RUNDC1: variants seen among roughly 807,000 people sequenced by gnomAD.
The protein encoded by RUNDC1 is RUN domain containing 1, also known as RUN domain-containing protein 1.
A neutral mutation model predicts 49.3 loss-of-function variants in RUNDC1; 31 were observed. That is an observed-to-expected ratio of 0.63 (90% CI 0.47 to 0.85). RUNDC1 has a LOEUF of 0.85. Ranked by LOEUF, RUNDC1 falls within the 40% of genes least tolerant of loss-of-function variation. The pLI, the probability that RUNDC1 is intolerant of heterozygous loss-of-function variation, is 0.00. For synonymous variants in RUNDC1, 347 were observed against 348.6 expected (o/e 1.00, Z 0.05); for missense variants, 715 against 806.7 (o/e 0.89, Z 1.38).
intron 1 of RUNDC1, among the ~76,000 whole-genome samples, chr17:42,986,789 G>A (rs1019079903): frequency 6.6e-5 from 10 of 152,048 alleles, no homozygotes; most frequent in Non-Finnish European, 8.8e-5. Flanking sequence ...GTGAGCTACC[G>A]GGCCCGGCCA....
Position 42,990,425 on chromosome 17 carries a change from GA to G in RUNDC1, c.968del (p.Asn323ThrfsTer9). ...ACAGGCAGCAGCAGAACGCCTCCAGGAAACAGCAAAAGTAAGTGCAGTTTCC... is the reference window on the plus strand; with the variant it reads ...ACAGGCAGCAGCAGAACGCCTCCAGGAACAGCAAAAGTAAGTGCAGTTTCC... ...SRTGSSRTPP[G>X]NSKTKAEDVK... On this transcript the variant is annotated frameshift_variant, in exon 4 of 5. Coordinates refer to ENST00000361677, the MANE Select transcript of RUNDC1 (RefSeq NM_173079.5). LOFTEE classifies it high-confidence loss of function. 6.2e-7 allele frequency: 1 copy of G among 1,613,814 alleles called. No homozygotes were observed. The highest frequency in any genetic ancestry group is 8.5e-7 in the Non-Finnish European group (1 of 1,179,990).
intron 1 of RUNDC1, chr17:42,985,641 A>C (rs1370134877): frequency 3.6e-6 from 1 of 279,450 alleles, no homozygotes; most frequent in Non-Finnish European, 4.5e-6. Context: ...CTCATTACTT[A>C]CTTCTTCAGG....
In RUNDC1 at chr17:42,987,473, A is replaced by G. The variant is rs1222968367; in HGVS notation, c.657+59A>G. 2.0e-6 allele frequency: 3 copies of G among 1,508,082 alleles called. No homozygotes were observed. In the African/African-American group the frequency reaches 4.1e-5, roughly 21 times the overall value. The allele number at this position is 1,508,082 out of a possible 1,614,324, so 93.4% of individuals were successfully genotyped here. A position where few individuals can be genotyped will look rare whatever the true frequency, so the allele number is the denominator to read the frequency against. On this transcript the variant is annotated intron_variant, in intron 2 of 4. Coordinates refer to ENST00000361677, the MANE Select transcript of RUNDC1 (RefSeq NM_173079.5). ...CCGAGGTTAACTTGTCCCTTCCAGC[A>G]TTCACAGGGCATCCTCTCTCAGCTC...
At position 42,981,042 on chromosome 17, in the gene RUNDC1, G is replaced by C. The variant is rs1320463144; in HGVS notation, c.466G>C (p.Gly156Arg). ...PASDEGDGLP[G>R]DRPWLRGEDQ... is the part of the protein sequence containing the mutation. ...CAGCGATGAGGGCGATGGGCTGCCA[G>C]GGGACCGGCCATGGTTGCGGGGCGA... The change falls in exon 1 of 5, where the codon GGG (glycine) becomes CGG (arginine). Residue 156 changes from glycine to arginine, a missense_variant. Physicochemically the swap from Gly to Arg is moderately radical, Grantham distance 125 (BLOSUM62 -2). This residue lies in a region of RUNDC1 where 113 missense variants were observed against 93.4 expected (regional missense o/e 1.21). Coordinates refer to ENST00000361677, the MANE Select transcript of RUNDC1 (RefSeq NM_173079.5). The C allele has an allele frequency of 1.3e-6, 2 of 1,558,426 alleles. No individual in the cohort carries two copies. The highest frequency in any genetic ancestry group is 2.3e-5 in the South Asian group (2 of 86,068).
chr17:42,990,170 G>C (rs1316564585), intron 3 of RUNDC1, 147 bp from the exon 4 acceptor site: 4 of 995,586 alleles, frequency 4.0e-6, no homozygotes, highest in African/African-American at 1.6e-5. Context: ...GCCAACTACT[G>C]TATGCCAGTC....
At chr17:42,981,715 C>T (rs1328388247) in intron 1 of RUNDC1, 1 of 152,224 alleles carries the variant, frequency 6.6e-6, no homozygotes, top group Non-Finnish European at 1.5e-5. Flanking sequence ...CTCCTGGTCT[C>T]AAGCCATCCT....
Position 42,991,023 on chromosome 17 carries a change from G to T in RUNDC1, c.1149G>T (p.Lys383Asn), listed in dbSNP as rs1321942859. 5 of 1,614,180 alleles carry T rather than the reference G, an allele frequency of 3.1e-6. No individual in the cohort carries two copies. The East Asian group carries it at 1.1e-4, about 36-fold the overall frequency. ...ACAGAGACTACTCTCCCTTGCTGAA[G>T]AGGCTGGAGGTGTCAGTGGACAGAG... ...QADRDYSPLL[K>N]RLEVSVDRVK... is the part of the protein sequence containing the mutation. Residue 383 changes from lysine to asparagine, a missense_variant, in exon 5 of 5, where the codon AAG becomes AAT. Lys to Asn is a moderately conservative substitution (Grantham distance 94). Coordinates refer to ENST00000361677, the MANE Select transcript of RUNDC1 (RefSeq NM_173079.5).
Position 42,992,743 on chromosome 17 carries a change from G to T in RUNDC1, c.*1027G>T, listed in dbSNP as rs2050261697. ...AGAGGAGACTATATATTCCATGGCT[G>T]CCTCTAAGACTAGGAATAGGAATAT... On this transcript the variant is annotated 3_prime_UTR_variant, in exon 5 of 5. Transcript: ENST00000361677. 6.6e-6 allele frequency: 1 copy of T among 152,148 alleles called. No homozygotes were observed. The highest frequency in any genetic ancestry group is 2.4e-5 in the African/African-American group (1 of 41,420). 9.4% of individuals were successfully genotyped at this position (152,148 alleles called of 1,614,324 possible). A position where few individuals can be genotyped will look rare whatever the true frequency, so the allele number is the denominator to read the frequency against.
intron 1 of RUNDC1, among the ~76,000 whole-genome samples, chr17:42,983,570 A>C (rs1283519131): frequency 6.6e-6 from 1 of 151,362 alleles, no homozygotes; most frequent in Non-Finnish European, 1.5e-5. Context: ...ATGAGGTTTC[A>C]CCATATTGCC....
intron 1 of RUNDC1, chr17:42,985,736 G>T (rs1482487300): frequency 7.2e-6 from 7 of 975,840 alleles, no homozygotes; most frequent in Non-Finnish European, 8.5e-6. Flanking sequence ...CAAATGATTT[G>T]CTGGTTTTGC....
At position 42,991,260 on chromosome 17, in the gene RUNDC1, C is replaced by T. The variant is rs1344463517; in HGVS notation, c.1386C>T (p.Ala462=). The T allele has an allele frequency of 4.3e-6, 7 of 1,614,238 alleles. No homozygotes were observed. Among genetic ancestry groups the T allele is most frequent in the Non-Finnish European group, 5.9e-6 (7 of 1,180,036 alleles). ...VMAPIACLLP[A]FSSAPEAMHP... is the part of the protein sequence containing the mutation. ...CTCCTATTGCTTGTTTGCTGCCAGC[C>T]TTCTCCTCGGCCCCAGAGGCCATGC... Residue 462 remains alanine, a synonymous_variant, in exon 5 of 5, where the codon GCC becomes GCT. Coordinates refer to ENST00000361677, the MANE Select transcript of RUNDC1 (RefSeq NM_173079.5).
At position 42,993,890 on chromosome 17, in the gene RUNDC1, C is replaced by T. The variant is rs1008245185; in HGVS notation, c.*2174C>T. On this transcript the variant is annotated 3_prime_UTR_variant, in exon 5 of 5. Coordinates refer to ENST00000361677, the MANE Select transcript of RUNDC1 (RefSeq NM_173079.5). ...ACCTTTTTTTTTTGAGATGGAGTCT[C>T]GCTCTGTTGTCCAGGCTGGAGTGCA... Among the ~76,000 whole-genome samples, 1 of 152,024 alleles carries T rather than the reference C, an allele frequency of 6.6e-6. No individual in the cohort carries two copies. Among genetic ancestry groups the T allele is most frequent in the African/African-American group, 2.4e-5 (1 of 41,366 alleles).
chr17:42,989,348 T>C lies in RUNDC1; in HGVS notation c.665T>C (p.Ile222Thr). The C allele has an allele frequency of 6.2e-7, 1 of 1,613,484 alleles. No individual in the cohort carries two copies. Among genetic ancestry groups the C allele is most frequent in the Non-Finnish European group, 8.5e-7 (1 of 1,179,762 alleles). The change falls in exon 3 of 5, where the codon ATA becomes ACA. Residue 222 changes from isoleucine (I) to threonine (T), a missense_variant. Physicochemically the swap from Ile to Thr is moderately conservative, Grantham distance 89 (BLOSUM62 -1). This residue lies in a region of RUNDC1 where 425 missense variants were observed against 499.7 expected (regional missense o/e 0.85). Coordinates refer to ENST00000361677, the MANE Select transcript of RUNDC1 (RefSeq NM_173079.5). The part of the protein sequence containing the change: ...SVVLERQRVI[I>T]DELIKKLDMN... ...TGCTTGTGATCTTGGTAGGTGATCATAGATGAGTTAATAAAGAAACTGGAC... is the reference window on the plus strand; with the variant it reads ...TGCTTGTGATCTTGGTAGGTGATCACAGATGAGTTAATAAAGAAACTGGAC...
intron 1 of RUNDC1, among the ~76,000 whole-genome samples, chr17:42,986,017 T>G (rs980591366): frequency 1.4e-4 from 22 of 152,190 alleles, no homozygotes; most frequent in African/African-American, 4.6e-4. Context: ...TTTGGTTTTT[T>G]GAGACAGAGT....
chr17:42,984,436 A>C (rs191723703), intron 1 of RUNDC1, among the ~76,000 whole-genome samples: 5 of 152,106 alleles, frequency 3.3e-5, no homozygotes, highest in Admixed American at 2.0e-4. Flanking sequence ...ATGTGCCACT[A>C]TCCCCGGCTA....
rs1173468563 is a variant in RUNDC1 at position 42,980,649 on chromosome 17, G to A, written c.73G>A (p.Glu25Lys). 1.3e-6 allele frequency: 2 copies of A among 1,599,660 alleles called. No homozygotes were observed. Among genetic ancestry groups the A allele is most frequent in the South Asian group, 2.2e-5 (2 of 89,032 alleles). Residue 25 changes from glutamate to lysine, a missense_variant, in exon 1 of 5, where the codon GAG becomes AAG. Around this residue, in one of 5 missense-constraint regions of RUNDC1, gnomAD observed 153 missense variants for 139.4 expected, o/e 1.10. Coordinates refer to ENST00000361677, the MANE Select transcript of RUNDC1 (RefSeq NM_173079.5). ...AAVGPKAKDE[E>K]EEEEEPLPPC... ...TGTTGGGCCAAAGGCGAAAGACGAAGAGGAGGAGGAAGAGGAGCCGCTGCC... is the reference window on the plus strand; with the variant it reads ...TGTTGGGCCAAAGGCGAAAGACGAAAAGGAGGAGGAAGAGGAGCCGCTGCC...
intron 1 of RUNDC1, among the ~76,000 whole-genome samples, chr17:42,982,906 G>T (rs1171156307): frequency 6.6e-6 from 1 of 151,042 alleles, no homozygotes; most frequent in Non-Finnish European, 1.5e-5. Context: ...AGAATCGCTT[G>T]AACCTGGGAG....
rs758927760 is a variant in RUNDC1 at position 42,985,485 on chromosome 17, G to A, written c.499-1771G>A. On this transcript the variant is annotated intron_variant, in intron 1 of 4. Transcript: ENST00000361677. Reference sequence around the variant, plus strand: ...TAGGGTTCTAACAGTATGCAACTGCGCTCTGAAAGGATTACAGAGGGACTG... The same window carrying A: ...TAGGGTTCTAACAGTATGCAACTGCACTCTGAAAGGATTACAGAGGGACTG... Among the ~76,000 whole-genome samples the A allele has an allele frequency of 7.9e-5, 12 of 152,236 alleles. No individual in the cohort carries two copies. In the East Asian group the frequency reaches 2.1e-3, roughly 27 times the overall value.
chr17:42,983,070 TG>T (rs938852820), intron 1 of RUNDC1, among the ~76,000 whole-genome samples: 5 of 150,870 alleles, frequency 3.3e-5, no homozygotes, highest in African/African-American at 1.2e-4. Flanking sequence ...TCCCAACACT[TG>T]GGGAGGCGAA....
Sources: allele counts gnomAD v4.1 joint callset (sites outside exome capture counted in the v4.1 genomes callset), GRCh38; gene constraint gnomAD v4.1.1; regional missense constraint gnomAD v4.1.1; transcripts MANE v1.5; gene names NCBI Gene and HGNC (gene_info 2026-07-23, HGNC 2026-07-21).